FGF14: variants seen among roughly 807,000 people sequenced by gnomAD.
FGF14 encodes fibroblast growth factor 14.
FGF14 carries 5 observed loss-of-function variants against 25.5 expected under a neutral mutation model. The ratio of observed to expected loss-of-function variants is 0.20; its 90% CI spans 0.10 to 0.41. FGF14 has a LOEUF of 0.41. Among genes scored for constraint, FGF14 ranks in the 10% least tolerant of loss-of-function variants. The pLI, the probability that FGF14 is intolerant of heterozygous loss-of-function variation, is 1.00. For missense variants in FGF14, 222 were observed against 320.1 expected, an observed-to-expected ratio of 0.69 and a Z score of 2.34; for synonymous variants, 138 against 118.3, an observed-to-expected ratio of 1.17 and a Z score of -1.08.
chr13:101,714,523 C>T lies in FGF14; in HGVS notation c.*8308G>A, dbSNP rs527870257. 3.9e-5 allele frequency: 63 copies of T among 1,606,504 alleles called. No individual in the cohort carries two copies. The highest frequency in any genetic ancestry group is 2.5e-4 in the East Asian group (11 of 44,816). On this transcript the variant is annotated 3_prime_UTR_variant, in exon 5 of 5. Transcript: ENST00000376143. Reference sequence around the variant, plus strand: ...TCTGTGACTGTGATGACAGAGACTGCGACAAACATGATGGTCTCATTTGTA... The same window carrying T: ...TCTGTGACTGTGATGACAGAGACTGTGACAAACATGATGGTCTCATTTGTA...
intron 1 of FGF14, among the ~76,000 whole-genome samples, chr13:102,195,957 A>T (rs1418513090): frequency 6.6e-6 from 1 of 152,220 alleles, no homozygotes; most frequent in Non-Finnish European, 1.5e-5. Flanking sequence ...CAGAAAACAG[A>T]ATTAGATCAG....
At chr13:102,091,634 G>C (rs1213849512) in intron 1 of FGF14, among the ~76,000 whole-genome samples, 1 of 152,142 alleles carries the variant, frequency 6.6e-6, no homozygotes, top group Non-Finnish European at 1.5e-5. Context: ...TGAGCTCAGA[G>C]ATACTAGCAC....
chr13:101,891,568 T>C (rs1228218774), intron 1 of FGF14, among the ~76,000 whole-genome samples: 2 of 152,158 alleles, frequency 1.3e-5, no homozygotes. Context: ...TCAAACACAC[T>C]ACTAAGAATT....
At chr13:102,397,616 G>T (rs1302824397) in intron 1 of FGF14, among the ~76,000 whole-genome samples, 2 of 152,170 alleles carry the variant, frequency 1.3e-5, no homozygotes, top group African/African-American at 2.4e-5. Context: ...GGTTGAGTGG[G>T]TATATCTATT....
chr13:102,298,003 A>T (rs2054820635), intron 1 of FGF14, among the ~76,000 whole-genome samples: 1 of 152,120 alleles, frequency 6.6e-6, no homozygotes, highest in Non-Finnish European at 1.5e-5. Flanking sequence ...GTTTATACAC[A>T]TTGTACTGTT....
At chr13:101,753,663 C>T (rs2037452018) in intron 3 of FGF14, among the ~76,000 whole-genome samples, 1 of 152,028 alleles carries the variant, frequency 6.6e-6, no homozygotes, top group South Asian at 2.1e-4. Context: ...ATCAGCTGGG[C>T]GTGGTGGCGC....
intron 1 of FGF14, among the ~76,000 whole-genome samples, chr13:101,988,167 G>A (rs2038697672): frequency 6.6e-6 from 1 of 151,976 alleles, no homozygotes; most frequent in South Asian, 2.1e-4. Context: ...AGCAGAGATG[G>A]AAACAAATGG....
At chr13:101,840,651 A>T (rs2043151029) in intron 3 of FGF14, among the ~76,000 whole-genome samples, 1 of 152,004 alleles carries the variant, frequency 6.6e-6, no homozygotes. Context: ...TAAATCATTC[A>T]TGCAGTGTTG....
rs143011154 is a variant in FGF14, at chr13:102,311,072, G to T, written c.208+90399C>A. On this transcript the variant is annotated intron_variant, in intron 1 of 4. Transcript: ENST00000376131. ...CACACACACAATTTAAAAAGGATTC[G>T]GTCAGCCATTAACTAGGCTAGACTG... 2.8e-3 allele frequency among the ~76,000 whole-genome samples: 420 copies of T among 151,914 alleles called. 5 individuals are homozygous for T. The highest frequency in any genetic ancestry group is 4.9e-3 in the Non-Finnish European group (332 of 67,948).
At chr13:102,122,706 T>C (rs953923537) in intron 1 of FGF14, among the ~76,000 whole-genome samples, 1 of 152,202 alleles carries the variant, frequency 6.6e-6, no homozygotes, top group African/African-American at 2.4e-5. Flanking sequence ...ATGAACAGTT[T>C]GGTCTTAGAA....
At chr13:101,966,789 G>A (rs1337628790) in intron 1 of FGF14, among the ~76,000 whole-genome samples, 1 of 152,070 alleles carries the variant, frequency 6.6e-6, no homozygotes, top group East Asian at 1.9e-4. Context: ...CCAAATCATT[G>A]TGTTTAAACC....
chr13:101,848,150 A>T lies in FGF14; in HGVS notation c.408+20575T>A, dbSNP rs193137074. ...GAAAGGCTTAGGATTATATTTTTTT[A>T]AAAATCAAGGAAATGAAGCATATTT... On this transcript the variant is annotated intron_variant, in intron 3 of 4. Transcript: ENST00000376143. Among the ~76,000 whole-genome samples, 1,019 of 152,144 alleles carry T rather than the reference A, an allele frequency of 6.7e-3. 10 individuals are homozygous for T. Among genetic ancestry groups the T allele is most frequent in the South Asian group, 0.018 (85 of 4,830 alleles).
At position 101,821,754 on chromosome 13, in the gene FGF14, C is replaced by CA. The variant is rs569969529; in HGVS notation, c.408+46970dup. Among the ~76,000 whole-genome samples the CA allele has an allele frequency of 2.3e-3, 348 of 152,242 alleles. 2 individuals are homozygous for CA. The highest frequency in any genetic ancestry group is 4.6e-3 in the Admixed American group (71 of 15,288). ...AATTCTGGTGGGAGTCTAATGGTAT[C>CA]AGTTTGTGGTATTTTAATGAGTAAT... On this transcript the variant is annotated intron_variant, in intron 3 of 4. Coordinates refer to ENST00000376143, the MANE Select transcript of FGF14 (RefSeq NM_004115.4).
rs11315735 is a variant in FGF14 at position 101,884,062 on chromosome 13, C to CAAAAAAAA, written c.194-8774_194-8767dup. Among the ~76,000 whole-genome samples, 19 of 37,832 alleles carry CAAAAAAAA rather than the reference C, an allele frequency of 5.0e-4. 1 individual carries two copies. Among genetic ancestry groups the CAAAAAAAA allele is most frequent in the African/African-American group, 1.3e-3 (12 of 9,262 alleles). 24.8% of individuals were successfully genotyped at this position (37,832 alleles called of 152,430 possible). On this transcript the variant is annotated intron_variant, in intron 1 of 4. Transcript: ENST00000376143. ...TGGGCAACAGAGTAAGACTCCATCTCAAAAAAAAAAAAAAAAAAAAAAAAA... is the reference window on the plus strand; with the variant it reads ...TGGGCAACAGAGTAAGACTCCATCTCAAAAAAAAAAAAAAAAAAAAAAAAAAAAAAAAA...
At chr13:102,085,440 AT>A (rs1382704639) in intron 1 of FGF14, among the ~76,000 whole-genome samples, 1 of 152,198 alleles carries the variant, frequency 6.6e-6, no homozygotes, top group Non-Finnish European at 1.5e-5. Context: ...TTTTTATATT[AT>A]TTTTCTAAAT....
At chr13:102,394,463 C>T (rs370528529) in intron 1 of FGF14, 8 of 152,496 alleles carry the variant, frequency 5.2e-5, no homozygotes, top group African/African-American at 1.9e-4. Context: ...AGCCCCGACC[C>T]GCGCCCCAAG....
intron 1 of FGF14, among the ~76,000 whole-genome samples, chr13:102,245,074 T>G (rs1274919399): frequency 2.0e-5 from 3 of 152,120 alleles, no homozygotes; most frequent in Non-Finnish European, 4.4e-5. Context: ...CATCTTCTTT[T>G]CAGAAATCCC....
chr13:102,188,968 GA>G (rs2048986438), intron 1 of FGF14, among the ~76,000 whole-genome samples: 1 of 56,600 alleles, frequency 1.8e-5, no homozygotes, highest in Non-Finnish European at 3.2e-5. Context: ...AAGAAAGAAA[GA>G]AAGAAAGAAA....
intron 1 of FGF14, among the ~76,000 whole-genome samples, chr13:102,337,117 C>T (rs548622089): frequency 7.2e-5 from 11 of 152,294 alleles, no homozygotes; most frequent in Middle Eastern, 3.4e-3. Context: ...TTTTGTAAAG[C>T]TATTGCCACC....
Sources: gnomAD v4.1 joint callset for allele counts (sites outside exome capture counted in the v4.1 genomes callset) on GRCh38, gnomAD v4.1.1 for gene constraint, MANE v1.5 for transcripts, NCBI Gene and HGNC (gene_info 2026-07-23, HGNC 2026-07-21) for gene names.